FSTL4: variants seen among roughly 807,000 people sequenced by gnomAD.
The protein encoded by FSTL4 is follistatin like 4.
Under a neutral mutation model 78.2 loss-of-function variants are expected in FSTL4, and 28 were observed. The ratio of observed to expected loss-of-function variants is 0.36; its 90% CI spans 0.27 to 0.49. The LOEUF is 0.49. Among genes scored for constraint, FSTL4 ranks in the 20% least tolerant of loss-of-function variants. The pLI is 0.98. For synonymous variants in FSTL4, 422 were observed against 440.5 expected, an observed-to-expected ratio of 0.96 and a Z score of 0.53; for missense variants, 922 against 1,084.9, an observed-to-expected ratio of 0.85 and a Z score of 2.11.
chr5:133,744,278 T>C, the FSTL4 span, among the ~76,000 whole-genome samples: 1 of 152,232 alleles, frequency 6.6e-6, no homozygotes, highest in Non-Finnish European at 1.5e-5. Context: ...ACTGTGTTTA[T>C]TAAAAACAAG....
intron 4 of FSTL4, among the ~76,000 whole-genome samples, chr5:133,354,927 C>T (rs1483277113): frequency 6.6e-6 from 1 of 152,218 alleles, no homozygotes; most frequent in East Asian, 1.9e-4. Flanking sequence ...CCTAGGCCTG[C>T]TCTGTGCCTG....
chr5:133,460,205 T>C (rs904350557), intron 3 of FSTL4, among the ~76,000 whole-genome samples: 1 of 152,198 alleles, frequency 6.6e-6, no homozygotes, highest in African/African-American at 2.4e-5. Context: ...ACATCTCTGC[T>C]TATGTTACTT....
At chr5:133,839,009 G>A in the FSTL4 span, among the ~76,000 whole-genome samples, 1 of 152,206 alleles carries the variant, frequency 6.6e-6, no homozygotes, top group African/African-American at 2.4e-5. Flanking sequence ...AAACAAGTCA[G>A]TCTGCCATTT....
Position 133,400,857 on chromosome 5 carries a change from T to C in FSTL4, c.290A>G (p.Tyr97Cys), listed in dbSNP as rs1561703347. Residue 97 changes from tyrosine (Y) to cysteine (C), a missense_variant, in exon 4 of 16, where the codon TAC becomes TGC. Transcript: ENST00000265342. ...CCCATCAGAGCCGCACACAGGCACG[T>C]AGCTGGGCCTGCATGCCTCCAGGCA... ...CQCLEACRPSYVPVCGSDGRF... is the reference protein window; with the variant it reads ...CQCLEACRPSCVPVCGSDGRF... 6.2e-7 allele frequency: 1 copy of C among 1,613,968 alleles called. No individual in the cohort carries two copies. The highest frequency in any genetic ancestry group is 8.5e-7 in the Non-Finnish European group (1 of 1,180,008).
At chr5:133,836,465 G>T in the FSTL4 span, among the ~76,000 whole-genome samples, 1 of 152,060 alleles carries the variant, frequency 6.6e-6, no homozygotes, top group Non-Finnish European at 1.5e-5. Flanking sequence ...TTTGTACATT[G>T]TTGTGTATTT....
chr5:133,208,508 C>CTT (rs1750598767), intron 14 of FSTL4, among the ~76,000 whole-genome samples: 2 of 152,208 alleles, frequency 1.3e-5, no homozygotes, highest in South Asian at 4.1e-4. Context: ...TTATTGGAAA[C>CTT]TTATTTAATG....
intron 3 of FSTL4, among the ~76,000 whole-genome samples, chr5:133,435,609 C>G (rs1757019269): frequency 6.6e-6 from 1 of 152,208 alleles, no homozygotes; most frequent in African/African-American, 2.4e-5. Context: ...GATCCTTTTT[C>G]TCACAGTTTT....
chr5:133,601,698 T>TTTTTTTC (rs377291709), intron 2 of FSTL4, among the ~76,000 whole-genome samples: 15,132 of 148,994 alleles, frequency 0.1, 1,017 homozygotes, highest in African/African-American at 0.19. Context: ...TTTTTTTTTT[T>TTTTTTTC]CTCAGACATG....
At chr5:133,660,088 T>C in the FSTL4 span, among the ~76,000 whole-genome samples, 2 of 152,226 alleles carry the variant, frequency 1.3e-5, no homozygotes, top group Admixed American at 6.5e-5. Flanking sequence ...CTAGGCTTCA[T>C]TGGTTTCTTT....
the FSTL4 span, among the ~76,000 whole-genome samples, chr5:133,806,039 A>G: frequency 6.6e-6 from 1 of 152,256 alleles, no homozygotes; most frequent in African/African-American, 2.4e-5. Context: ...ACCCCAGCCA[A>G]TACTGCTAAC....
chr5:133,521,703 C>A (rs925419338), intron 3 of FSTL4, among the ~76,000 whole-genome samples: 1 of 152,102 alleles, frequency 6.6e-6, no homozygotes, highest in Admixed American at 6.5e-5. Context: ...AATTAACTCC[C>A]AGAGACGAAC....
chr5:133,786,963 G>A, the FSTL4 span, among the ~76,000 whole-genome samples: 3 of 152,048 alleles, frequency 2.0e-5, no homozygotes, highest in Non-Finnish European at 2.9e-5. Context: ...CTTGAGTTCC[G>A]GTAGTTAGTA....
intron 4 of FSTL4, among the ~76,000 whole-genome samples, chr5:133,393,511 TG>T (rs1333652648): frequency 6.6e-6 from 1 of 152,152 alleles, no homozygotes; most frequent in Non-Finnish European, 1.5e-5. Context: ...GGAAGAGGGC[TG>T]GGGACAGAGA....
the FSTL4 span, among the ~76,000 whole-genome samples, chr5:133,663,741 A>G: frequency 2.0e-5 from 3 of 152,240 alleles, no homozygotes; most frequent in Non-Finnish European, 4.4e-5. Context: ...GTGCTCCCCC[A>G]TGGGCTCTGG....
chr5:133,251,287 G>A (rs1752227771), intron 6 of FSTL4, among the ~76,000 whole-genome samples: 1 of 152,166 alleles, frequency 6.6e-6, no homozygotes, highest in Non-Finnish European at 1.5e-5. Context: ...CTCCCCAAGA[G>A]TAGAGGAGGC....
the FSTL4 span, among the ~76,000 whole-genome samples, chr5:133,707,287 C>A: frequency 6.6e-6 from 1 of 152,224 alleles, no homozygotes; most frequent in African/African-American, 2.4e-5. Flanking sequence ...TCTGGACGCT[C>A]CCCTCTCACT....
chr5:133,781,364 GTTGTGTGTGTGTGTGT>G, the FSTL4 span, among the ~76,000 whole-genome samples: 3 of 89,506 alleles, frequency 3.4e-5, no homozygotes, highest in African/African-American at 1.3e-4. Context: ...TTGTTAAGCG[GTTGTGTGTGTGTGTGT>G]GTGTGTGTGT....
rs79983206 is a variant in FSTL4, at chr5:133,598,687, C to T, written c.126+5171G>A. Among the ~76,000 whole-genome samples the T allele has an allele frequency of 8.3e-3, 1,197 of 145,062 alleles. 15 individuals are homozygous for T. The highest frequency in any genetic ancestry group is 0.03 in the African/African-American group (1,148 of 38,658). ...GCACCTGCAGAGGAAGTTCTGGATCCTTTTGAAAGGAGTACGTGGTTCGGT... is the reference window on the plus strand; with the variant it reads ...GCACCTGCAGAGGAAGTTCTGGATCTTTTTGAAAGGAGTACGTGGTTCGGT... On this transcript the variant is annotated intron_variant, in intron 2 of 15. Coordinates refer to ENST00000265342, the MANE Select transcript of FSTL4 (RefSeq NM_015082.2).
chr5:133,233,085 G>A (rs1460996006), intron 8 of FSTL4, among the ~76,000 whole-genome samples: 5 of 152,230 alleles, frequency 3.3e-5, no homozygotes, highest in Admixed American at 2.6e-4. Flanking sequence ...AGGCCACAGC[G>A]GCTCACCAGC....
Sources: allele counts gnomAD v4.1 joint callset (sites outside exome capture counted in the v4.1 genomes callset), GRCh38; gene constraint gnomAD v4.1.1; transcripts MANE v1.5; gene names NCBI Gene and HGNC (gene_info 2026-07-23, HGNC 2026-07-21).